CAD: variants seen among roughly 807,000 people sequenced by gnomAD.
CAD encodes the protein multifunctional protein CAD.
In CAD, 81 loss-of-function variants were observed where a neutral mutation model predicts 237.2. The ratio of observed to expected loss-of-function variants is 0.34; its 90% confidence interval spans 0.29 to 0.41. CAD has a LOEUF of 0.41. CAD is among the 10% of genes least tolerant of loss of function. The pLI is 1.00. For synonymous variants in CAD, 1,196 were observed against 1,162.8 expected (o/e 1.03, Z -0.58); for missense variants, 2,181 against 2,951.7 (o/e 0.74, Z 6.05).
chr2:27,222,765 T>TA (rs1261701679), intron 5 of CAD, 101 bp from the exon 6 acceptor site: 6 of 1,573,062 alleles, frequency 3.8e-6, no homozygotes, highest in Admixed American at 1.7e-5. Flanking sequence ...GTGAAGAAGA[T>TA]AGACATTGGG....
At chr2:27,231,415 C>T (rs2148075306) in intron 15 of CAD, 53 bp from the exon 16 acceptor site, 1 of 1,038,612 alleles carries the variant, frequency 9.6e-7, no homozygotes, top group East Asian at 2.4e-5. Flanking sequence ...GCAGTGCCTT[C>T]TTCCCACCCC....
At position 27,234,513 on chromosome 2, in the gene CAD, C is replaced by G; in HGVS notation, c.3619-5C>G. 6.2e-7 allele frequency: 1 copy of G among 1,613,372 alleles called. No homozygotes were observed. On this transcript the variant is annotated splice_region_variant and splice_polypyrimidine_tract_variant and intron_variant, in intron 22 of 43. Coordinates refer to ENST00000264705, the MANE Select transcript of CAD (RefSeq NM_004341.5). The stretch of plus-strand genomic sequence containing the variant: ...AGAAGGCCTGACCAGTCTTCTCTGC[C>G]CCAGGATGACCAGCTGAAAGTTATT...
Position 27,232,545 on chromosome 2 carries a change from A to C in CAD, c.2743A>C (p.Asn915His), listed in dbSNP as rs1280300407. 1 of 1,614,176 alleles carries C rather than the reference A, an allele frequency of 6.2e-7. No homozygotes were observed. The highest frequency in any genetic ancestry group is 1.1e-5 in the South Asian group (1 of 91,072). The change falls in exon 18 of 44, where the codon AAT (asparagine) becomes CAT (histidine). Residue 915 changes from asparagine (N) to histidine (H), a missense_variant. Asn to His is a moderately conservative substitution (Grantham distance 68). Transcript: ENST00000264705. The surrounding 1 kb of genome is among the most constrained non-coding windows in gnomAD (Gnocchi z 4.1). ...TGCAGCTGAGTGGCCAGCCCAGACA[A>C]ATTACCTATACCTAACGTATTGGGG... ...TVAAEWPAQTNYLYLTYWGTT... is the reference protein window; with the variant it reads ...TVAAEWPAQTHYLYLTYWGTT...
At chr2:27,243,042 C>A in intron 42 of CAD, 69 bp downstream of exon 42, 2 of 1,412,230 alleles carry the variant, frequency 1.4e-6, no homozygotes, top group South Asian at 1.3e-5. Flanking sequence ...GACAGAAAGG[C>A]TGGGCTGAGG....
intron 8 of CAD, 58 bp from the exon 9 acceptor site, chr2:27,224,287 G>T: frequency 1.9e-6 from 3 of 1,594,634 alleles, no homozygotes; most frequent in Non-Finnish European, 2.6e-6. Flanking sequence ...AGCTAATCCA[G>T]TTGACCTCTT....
chr2:27,228,063 G>A (rs1441271962), intron 15 of CAD, among the ~76,000 whole-genome samples: 2 of 152,216 alleles, frequency 1.3e-5, no homozygotes, highest in Non-Finnish European at 2.9e-5. Flanking sequence ...TCACACTACT[G>A]TTAACATCGT....
intron 11 of CAD, among the ~76,000 whole-genome samples, 180 bp from the exon 12 acceptor site, chr2:27,225,525 C>T (rs750445942): frequency 6.7e-6 from 1 of 148,700 alleles, no homozygotes; most frequent in East Asian, 1.9e-4. Flanking sequence ...AGGCTGATCT[C>T]GAACTCCTGA....
chr2:27,227,466 CA>C (rs1392762818), intron 15 of CAD: 1 of 153,476 alleles, frequency 6.5e-6, no homozygotes, highest in East Asian at 1.9e-4. Flanking sequence ...ACAGCGCCAC[CA>C]GCCTGATGGA....
At chr2:27,227,898 ACCGTGTATCTGCGACTGCATAATTCAG>A (rs1675517458) in intron 15 of CAD, among the ~76,000 whole-genome samples, 1 of 152,354 alleles carries the variant, frequency 6.6e-6, no homozygotes, top group Admixed American at 6.5e-5. Flanking sequence ...GATTAATTCG[ACCGTGTATCTGCGACTGCATAATTCAG>A]CCGTGTATCT....
chr2:27,224,381 G>A lies in CAD; in HGVS notation c.1145G>A (p.Gly382Glu), dbSNP rs752828299. Residue 382 changes from glycine (G) to glutamate (E), a missense_variant, in exon 9 of 44, where the codon GGG becomes GAG. Transcript: ENST00000264705. Reference sequence around the variant, plus strand: ...CTGACTGAGCGCCTCTGTCCCCCTGGGATTCCCACTCCCGGCTCTGGACTT... The same window carrying A: ...CTGACTGAGCGCCTCTGTCCCCCTGAGATTCCCACTCCCGGCTCTGGACTT... ...ERLTERLCPP[G>E]IPTPGSGLPP... 6.2e-7 allele frequency: 1 copy of A among 1,614,156 alleles called. No individual in the cohort carries two copies. Among genetic ancestry groups the A allele is most frequent in the Non-Finnish European group, 8.5e-7 (1 of 1,180,028 alleles).
At chr2:27,221,168 C>A in intron 2 of CAD, 50 bp from the exon 3 acceptor site, 1 of 1,469,942 alleles carries the variant, frequency 6.8e-7, no homozygotes, top group South Asian at 1.5e-5. Flanking sequence ...GAAAATGCTG[C>A]AAAGAAATAA....
In CAD at chr2:27,231,036, C is replaced by T. The variant is rs575798410; in HGVS notation, c.2288-432C>T. 4.6e-5 allele frequency among the ~76,000 whole-genome samples: 7 copies of T among 152,352 alleles called. No individual in the cohort carries two copies. In the South Asian group the frequency reaches 1.4e-3, roughly 32 times the overall value. ...TTTTGTTTTGTTTGAGACGGAGTCT[C>T]GCTTTGTTCCCCGGGCTGGAGTGCA... On this transcript the variant is annotated intron_variant, in intron 15 of 43. Coordinates refer to ENST00000264705, the MANE Select transcript of CAD (RefSeq NM_004341.5).
At position 27,239,294 on chromosome 2, in the gene CAD, G is replaced by A; in HGVS notation, c.5254-37G>A. On this transcript the variant is annotated intron_variant, in intron 32 of 43. Transcript: ENST00000264705. The surrounding 1 kb of genome is among the most constrained non-coding windows in gnomAD (Gnocchi z 4.0). The stretch of plus-strand genomic sequence containing the variant: ...CCAGCCCTAGGATATGTTCTCTGGG[G>A]ATCCTTTCCCTAGCATAACCCATGT... 1 of 1,604,552 alleles carries A rather than the reference G, an allele frequency of 6.2e-7. No individual in the cohort carries two copies. The highest frequency in any genetic ancestry group is 8.5e-7 in the Non-Finnish European group (1 of 1,172,402).
Position 27,231,958 on chromosome 2 carries a change from C to T in CAD, c.2401-22C>T, listed in dbSNP as rs368178176. ...TAGATGGGCTGGCAGTAGCTTCCGT[C>T]TGTCTACCCCCTTTCTATCAGGAGT... On this transcript the variant is annotated intron_variant, in intron 16 of 43. Transcript: ENST00000264705. 9.9e-6 allele frequency: 16 copies of T among 1,613,426 alleles called. 1 individual carries two copies. Among genetic ancestry groups the T allele is most frequent in the South Asian group, 8.8e-5 (8 of 91,018 alleles).
chr2:27,235,852 G>A lies in CAD; in HGVS notation c.4074+212G>A. On this transcript the variant is annotated intron_variant, in intron 25 of 43. Transcript: ENST00000264705. This position sits in a 1 kb window ranked among gnomAD's most constrained non-coding sequence, Gnocchi z 5.2. The stretch of plus-strand genomic sequence containing the variant: ...GAGTGCACCACTGCACTCCAGCTTG[G>A]GAAACAGTGAGATGCTGTCTCAAAA... The A allele has an allele frequency of 2.0e-6, 1 of 508,934 alleles. No individual in the cohort carries two copies. Among genetic ancestry groups the A allele is most frequent in the Non-Finnish European group, 3.5e-6 (1 of 289,620 alleles). 31.5% of individuals were successfully genotyped at this position (508,934 alleles called of 1,614,324 possible).
chr2:27,240,841 C>G lies in CAD; in HGVS notation c.5594-70C>G, dbSNP rs1223578842. The G allele has an allele frequency of 2.5e-5, 39 of 1,534,970 alleles. No homozygotes were observed. Among genetic ancestry groups the G allele is most frequent in the Non-Finnish European group, 3.3e-5 (37 of 1,109,956 alleles). ...AACATATACACTGTGATTCAGAGTTCCTGGGAATATGGGGTTTCTTTCCAA... is the reference window on the plus strand; with the variant it reads ...AACATATACACTGTGATTCAGAGTTGCTGGGAATATGGGGTTTCTTTCCAA... On this transcript the variant is annotated intron_variant, in intron 35 of 43. Transcript: ENST00000264705. This position sits in a 1 kb window ranked among gnomAD's most constrained non-coding sequence, Gnocchi z 4.6.
In CAD at chr2:27,221,229, C is replaced by T. The variant is rs772183108; in HGVS notation, c.234C>T (p.Ser78=). The change falls in exon 3 of 44, where the codon TCC becomes TCT. Residue 78 remains serine, a synonymous_variant. Coordinates refer to ENST00000264705, the MANE Select transcript of CAD (RefSeq NM_004341.5). ...CTTTCCATCTACAGTGGTTTGAATCCTCGGGCATCCACGTAGCAGCACTGG... is the reference window on the plus strand; with the variant it reads ...CTTTCCATCTACAGTGGTTTGAATCTTCGGGCATCCACGTAGCAGCACTGG... ...DEFGLCKWFE[S]SGIHVAALVV... is the part of the protein sequence containing the mutation. The T allele has an allele frequency of 1.3e-6, 2 of 1,547,116 alleles. No individual in the cohort carries two copies. Among genetic ancestry groups the T allele is most frequent in the African/African-American group, 1.4e-5 (1 of 72,742 alleles).
chr2:27,241,007 T>G lies in CAD; in HGVS notation c.5639-51T>G, dbSNP rs1324498247. The G allele has an allele frequency of 2.5e-6, 4 of 1,614,018 alleles. No homozygotes were observed. In the South Asian group the frequency reaches 3.3e-5, roughly 13 times the overall value. On this transcript the variant is annotated intron_variant, in intron 36 of 43. Transcript: ENST00000264705. The surrounding 1 kb of genome is among the most constrained non-coding windows in gnomAD (Gnocchi z 4.6). ...ACCTCGGGGACCTCTGATCTGGCCT[T>G]GGTAGGAGGAACCCTCTGACCAGCC... is the stretch of plus-strand genomic sequence containing the variant.
chr2:27,238,747 G>A (rs1003838689), intron 31 of CAD, 115 bp downstream of exon 31: 9 of 976,848 alleles, frequency 9.2e-6, no homozygotes, highest in East Asian at 5.0e-5. Context: ...GTCTTGATCC[G>A]TATGGGACCC....
Sources: allele counts gnomAD v4.1 joint callset (sites outside exome capture counted in the v4.1 genomes callset), GRCh38; gene constraint gnomAD v4.1.1; non-coding constraint Gnocchi (gnomAD v3.1); transcripts MANE v1.5; gene names NCBI Gene and HGNC (gene_info 2026-07-23, HGNC 2026-07-21).